Variants in PSTPIP2 observed in about 807,000 individuals in gnomAD.
The protein encoded by PSTPIP2 is proline-serine-threonine phosphatase-interacting protein 2.
PSTPIP2 carries 33 observed loss-of-function variants against 63.3 expected under a neutral mutation model. The observed-to-expected ratio is 0.52, with a 90% CI of 0.40 to 0.70. The LOEUF is 0.70. Ranked by LOEUF, PSTPIP2 falls within the 30% of genes least tolerant of loss-of-function variation. The pLI is 0.00. For missense variants in PSTPIP2, 312 were observed against 400.7 expected, an observed-to-expected ratio of 0.78 and a Z score of 1.89; for synonymous variants, 125 against 132.7, an observed-to-expected ratio of 0.94 and a Z score of 0.40.
intron 1 of PSTPIP2, among the ~76,000 whole-genome samples, chr18:46,045,422 A>G (rs1183218076): frequency 6.6e-6 from 1 of 152,158 alleles, no homozygotes. Context: ...CAAAAAACCA[A>G]ACACCACATA....
In PSTPIP2 at chr18:46,005,458, A is replaced by G. The variant is rs769025254; in HGVS notation, c.417+11T>C. On this transcript the variant is annotated intron_variant, in intron 6 of 14. Coordinates refer to ENST00000409746, the MANE Select transcript of PSTPIP2 (RefSeq NM_024430.4). ...CCATTATCCCAAAAAAGACAATAAAATGTGACTCACATCCATGGTTTTCTT... is the reference window on the plus strand; with the variant it reads ...CCATTATCCCAAAAAAGACAATAAAGTGTGACTCACATCCATGGTTTTCTT... 19 of 1,576,054 alleles carry G rather than the reference A, an allele frequency of 1.2e-5. No individual in the cohort carries two copies. The Middle Eastern group carries it at 5.0e-4, about 41-fold the overall frequency.
rs1435574184 is a variant in PSTPIP2, at chr18:46,009,390, AACCT to A, written c.354+1787_354+1790del. Among the ~76,000 whole-genome samples the A allele has an allele frequency of 7.8e-3, 344 of 43,822 alleles. 3 individuals carry two copies. The highest frequency in any genetic ancestry group is 0.027 in the African/African-American group (330 of 12,168). The allele number at this position is 43,822 out of a possible 152,430, so 28.7% of individuals were successfully genotyped here. On this transcript the variant is annotated intron_variant, in intron 5 of 14. Transcript: ENST00000409746. Reference sequence around the variant, plus strand: ...AAAAAAAAAAAAAAAAAAAAAAAAAAACCTAGCTAAATACGGAAGTGGTAAAACC... The same window carrying A: ...AAAAAAAAAAAAAAAAAAAAAAAAAAAGCTAAATACGGAAGTGGTAAAACC...
At chr18:46,047,129 A>G (rs1454784693) in intron 1 of PSTPIP2, among the ~76,000 whole-genome samples, 1 of 152,204 alleles carries the variant, frequency 6.6e-6, no homozygotes, top group African/African-American at 2.4e-5. Context: ...AAGAGCCATA[A>G]AACAGCAGAC....
chr18:45,999,429 T>C lies in PSTPIP2; in HGVS notation c.516+7A>G, dbSNP rs55966192. ...AGATTTTTCGGGTTGTTAGCCCTCCTGGGTACCTTTTCTTGTTGCTTCGGG... is the reference window on the plus strand; with the variant it reads ...AGATTTTTCGGGTTGTTAGCCCTCCCGGGTACCTTTTCTTGTTGCTTCGGG... On this transcript the variant is annotated splice_region_variant and intron_variant, in intron 7 of 14. Coordinates refer to ENST00000409746, the MANE Select transcript of PSTPIP2 (RefSeq NM_024430.4). 0.16 allele frequency: 253,241 copies of C among 1,613,840 alleles called. 26,267 individuals are homozygous for C. Among genetic ancestry groups the C allele is most frequent in the African/African-American group, 0.45 (33,834 of 74,940 alleles).
At chr18:46,070,739 C>T (rs1041751865) in intron 1 of PSTPIP2, among the ~76,000 whole-genome samples, 1 of 152,078 alleles carries the variant, frequency 6.6e-6, no homozygotes, top group African/African-American at 2.4e-5. Flanking sequence ...AGGGTGGTCT[C>T]GAACTCCTGG....
intron 2 of PSTPIP2, among the ~76,000 whole-genome samples, chr18:46,031,986 T>C (rs1442741945): frequency 6.6e-6 from 1 of 152,170 alleles, no homozygotes; most frequent in African/African-American, 2.4e-5. Flanking sequence ...GAGAGGGTAT[T>C]TCCCCGTAAA....
At chr18:46,072,071 G>A in intron 1 of PSTPIP2, 85 bp downstream of exon 1, 1 of 1,467,688 alleles carries the variant, frequency 6.8e-7, no homozygotes, top group Non-Finnish European at 9.1e-7. Flanking sequence ...CGCCGGAGCT[G>A]GGGAGCCCCC....
Position 45,987,390 on chromosome 18 carries a change from TG to T in PSTPIP2, c.*8+1311del, listed in dbSNP as rs537664277. 4.3e-3 allele frequency among the ~76,000 whole-genome samples: 662 copies of T among 152,326 alleles called. 6 individuals are homozygous for T. Among genetic ancestry groups the T allele is most frequent in the African/African-American group, 0.015 (627 of 41,580 alleles). ...TGAGAGAGAGGCTGTTGCCTTTCTC[TG>T]TTGACTTCTGGCATCCCACCCACCC... On this transcript the variant is annotated intron_variant, in intron 14 of 14. Transcript: ENST00000409746.
chr18:46,049,007 C>CGT (rs1568228961), intron 1 of PSTPIP2, among the ~76,000 whole-genome samples: 8 of 93,406 alleles, frequency 8.6e-5, no homozygotes, highest in Non-Finnish European at 1.5e-4. Flanking sequence ...AGAAAAAAAG[C>CGT]ATGTGTGTGT....
intron 2 of PSTPIP2, among the ~76,000 whole-genome samples, chr18:46,035,960 T>C (rs962961297): frequency 6.6e-6 from 1 of 152,180 alleles, no homozygotes; most frequent in Non-Finnish European, 1.5e-5. Context: ...TTGGCTGTGG[T>C]TGCCAGCATC....
chr18:46,028,754 A>G, intron 2 of PSTPIP2: 1 of 1,007,058 alleles, frequency 9.9e-7, no homozygotes, highest in Non-Finnish European at 1.6e-6. Flanking sequence ...AAGCGACTTT[A>G]AGAAGAATTC....
At chr18:46,058,283 T>C (rs1908845908) in intron 1 of PSTPIP2, among the ~76,000 whole-genome samples, 1 of 152,136 alleles carries the variant, frequency 6.6e-6, no homozygotes. Flanking sequence ...GGGATTTTTA[T>C]GGTTTTTTAC....
Position 45,987,942 on chromosome 18 carries a change from T to TG in PSTPIP2, c.*8+759dup, listed in dbSNP as rs150366713. The stretch of plus-strand genomic sequence containing the variant: ...TTCAGAGCAATAATAATCTGCAGGA[T>TG]GACCTCCATGATGACCTTGTGTGTA... On this transcript the variant is annotated intron_variant, in intron 14 of 14. Transcript: ENST00000409746. Among the ~76,000 whole-genome samples the TG allele has an allele frequency of 5.6e-3, 854 of 152,326 alleles. 11 individuals are homozygous for TG. Among genetic ancestry groups the TG allele is most frequent in the African/African-American group, 0.02 (821 of 41,578 alleles).
At chr18:46,069,398 G>T (rs187032729) in intron 1 of PSTPIP2, among the ~76,000 whole-genome samples, 1 of 152,306 alleles carries the variant, frequency 6.6e-6, no homozygotes, top group Admixed American at 6.5e-5. Flanking sequence ...CACAAAGAAG[G>T]TATAAACAGG....
At chr18:46,021,421 G>A (rs1348070335) in intron 3 of PSTPIP2, among the ~76,000 whole-genome samples, 1 of 75,346 alleles carries the variant, frequency 1.3e-5, no homozygotes, top group African/African-American at 2.9e-5. Context: ...ATATATATAT[G>A]TGTATGTGTA....
chr18:45,994,855 G>T (rs2051577344), intron 9 of PSTPIP2, among the ~76,000 whole-genome samples: 1 of 151,600 alleles, frequency 6.6e-6, no homozygotes, highest in Non-Finnish European at 1.5e-5. Context: ...TTACATTATT[G>T]TTGTTATGGA....
At chr18:46,071,755 G>A (rs867048382) in intron 1 of PSTPIP2, among the ~76,000 whole-genome samples, 14 of 152,208 alleles carry the variant, frequency 9.2e-5, no homozygotes, top group African/African-American at 3.1e-4. Context: ...GACTCTCCCC[G>A]GACGGGTCTC....
chr18:45,998,657 A>T (rs10468860), intron 8 of PSTPIP2, 137 bp downstream of exon 8: 134,131 of 830,820 alleles, frequency 0.16, 15,724 homozygotes, highest in African/African-American at 0.45. Context: ...TTTTCCCTTC[A>T]GATATCTCAC....
chr18:46,014,106 T>C (rs1255643669), intron 4 of PSTPIP2, among the ~76,000 whole-genome samples: 1 of 151,988 alleles, frequency 6.6e-6, no homozygotes, highest in Non-Finnish European at 1.5e-5. Context: ...CACTACTACC[T>C]CTACTTCCCA....
Sources: allele counts gnomAD v4.1 joint callset (sites outside exome capture counted in the v4.1 genomes callset), GRCh38; gene constraint gnomAD v4.1.1; transcripts MANE v1.5; gene names NCBI Gene and HGNC (gene_info 2026-07-23, HGNC 2026-07-21).